The following SNX4 variants were observed in gnomAD, a reference collection of about 807,000 sequenced individuals.
SNX4 encodes the protein sorting nexin-4.
Under a neutral mutation model 70.8 loss-of-function variants are expected in SNX4, and 49 were observed. The ratio of observed to expected loss-of-function variants is 0.69; its 90% CI spans 0.55 to 0.88. SNX4 has a LOEUF of 0.88. SNX4 is among the 40% of genes least tolerant of loss of function. The pLI is 0.00. For synonymous variants in SNX4, 206 were observed against 183.8 expected (o/e 1.12, Z -0.98); for missense variants, 528 against 544.8 (o/e 0.97, Z 0.31).
intron 7 of SNX4, among the ~76,000 whole-genome samples, chr3:125,477,058 A>G (rs1039597070): frequency 3.3e-5 from 5 of 152,190 alleles, no homozygotes; most frequent in Non-Finnish European, 5.9e-5. Context: ...CACTATAAAT[A>G]GTTGCATAAA....
At chr3:125,465,544 C>T (rs753357817) in intron 9 of SNX4, among the ~76,000 whole-genome samples, 3 of 152,148 alleles carry the variant, frequency 2.0e-5, no homozygotes, top group Non-Finnish European at 4.4e-5. Context: ...ACACTGTGCC[C>T]GGCCTAGTAA....
chr3:125,516,073 G>A (rs540984568), intron 1 of SNX4, among the ~76,000 whole-genome samples: 68 of 152,238 alleles, frequency 4.5e-4, no homozygotes, highest in Admixed American at 9.2e-4. Flanking sequence ...AATGTGCACG[G>A]GAATTTTTAA....
At chr3:125,495,391 G>A (rs1005026484) in intron 5 of SNX4, among the ~76,000 whole-genome samples, 3 of 150,886 alleles carry the variant, frequency 2.0e-5, no homozygotes, top group African/African-American at 7.3e-5. Context: ...TGGGAGGAAG[G>A]ACTTAAAACA....
intron 1 of SNX4, among the ~76,000 whole-genome samples, chr3:125,507,191 G>GAAAAA (rs753584700): frequency 3.9e-4 from 35 of 90,590 alleles, no homozygotes; most frequent in African/African-American, 4.9e-4. Context: ...CTGGGTGATA[G>GAAAAA]AAAAAAAAAA....
At chr3:125,476,440 G>A (rs142812534) in intron 8 of SNX4, among the ~76,000 whole-genome samples, 3,513 of 151,258 alleles carry the variant, frequency 0.023, 142 homozygotes, top group African/African-American at 0.08. Context: ...GTGTGGTGGC[G>A]CATGCCTGTA....
Position 125,519,618 on chromosome 3 carries a change from C to A in SNX4, c.141+414G>T, listed in dbSNP as rs76226218. ...CACTGTGTCCCTTTAAGCTACTCCC[C>A]AGCAAAACCCCTTAGCAACTGGCTG... On this transcript the variant is annotated intron_variant, in intron 1 of 13. Transcript: ENST00000251775. Among the ~76,000 whole-genome samples, 384 of 152,262 alleles carry A rather than the reference C, an allele frequency of 2.5e-3. 3 individuals carry two copies. Among genetic ancestry groups the A allele is most frequent in the African/African-American group, 8.9e-3 (369 of 41,540 alleles).
chr3:125,452,943 T>G (rs796826607), intron 12 of SNX4, among the ~76,000 whole-genome samples: 10 of 152,226 alleles, frequency 6.6e-5, no homozygotes, highest in African/African-American at 2.4e-4. Context: ...ATCTATTACT[T>G]TGCCATATTT....
intron 10 of SNX4, 45 bp downstream of exon 10, chr3:125,460,726 G>A: frequency 1.1e-6 from 1 of 895,302 alleles, no homozygotes; most frequent in Non-Finnish European, 1.7e-6. Context: ...TGAGGAGAGT[G>A]GTGAACAACC....
chr3:125,491,207 A>C (rs1258514636), intron 5 of SNX4, among the ~76,000 whole-genome samples: 1 of 152,160 alleles, frequency 6.6e-6, no homozygotes. Context: ...CTTACATCTC[A>C]AGGAAAAATT....
chr3:125,510,184 C>T (rs1190691931), intron 1 of SNX4, among the ~76,000 whole-genome samples: 1 of 151,648 alleles, frequency 6.6e-6, no homozygotes, highest in Non-Finnish European at 1.5e-5. Context: ...CCATCATTCA[C>T]AATAGGTAAA....
chr3:125,498,366 T>C (rs575887756), intron 2 of SNX4, among the ~76,000 whole-genome samples, 172 bp from the exon 3 acceptor site: 14 of 152,182 alleles, frequency 9.2e-5, no homozygotes, highest in Non-Finnish European at 1.3e-4. Context: ...GTCGCTCAGG[T>C]TGGAGTGCAG....
At chr3:125,469,113 A>G (rs1284579376) in intron 9 of SNX4, among the ~76,000 whole-genome samples, 1 of 152,206 alleles carries the variant, frequency 6.6e-6, no homozygotes, top group Non-Finnish European at 1.5e-5. Context: ...TAAGTACAAT[A>G]TTGGCTATAA....
intron 13 of SNX4, among the ~76,000 whole-genome samples, chr3:125,448,174 C>A (rs1242325542): frequency 6.6e-6 from 1 of 151,690 alleles, no homozygotes; most frequent in African/African-American, 2.4e-5. Flanking sequence ...ACTCTGTTAC[C>A]CAGGCTGGAG....
intron 12 of SNX4, 26 bp from the exon 13 acceptor site, chr3:125,451,445 T>C (rs749833496): frequency 6.6e-7 from 1 of 1,519,756 alleles, no homozygotes; most frequent in Non-Finnish European, 9.1e-7. Flanking sequence ...TAGCCATTAT[T>C]ATTATTTAAG....
At chr3:125,496,069 C>G (rs1227433284) in intron 5 of SNX4, among the ~76,000 whole-genome samples, 2 of 152,106 alleles carry the variant, frequency 1.3e-5, no homozygotes, top group South Asian at 2.1e-4. Context: ...GAGAGAGAAT[C>G]GATTGAGCCC....
intron 6 of SNX4, among the ~76,000 whole-genome samples, chr3:125,487,413 G>C (rs573965953): frequency 6.6e-6 from 1 of 151,902 alleles, no homozygotes; most frequent in Admixed American, 6.6e-5. Flanking sequence ...AACCTGGCTG[G>C]GTCAGAAAAG....
Position 125,520,058 on chromosome 3 carries a change from C to A in SNX4, c.115G>T (p.Gly39Ter). The change falls in exon 1 of 14, where the codon GGA (glycine) becomes TGA (stop). Residue 39 changes from glycine (G) to a stop codon, truncating the protein, a stop_gained. Transcript: ENST00000251775. LOFTEE classifies it high-confidence loss of function. ...AAVGKEAEGA[G>*]EESSGVDTMT... The stretch of plus-strand genomic sequence containing the variant: ...GTGTCGACCCCAGAGCTCTCTTCTC[C>A]GGCCCCCTCCGCTTCCTTGCCGACC... 2 of 1,558,438 alleles carry A rather than the reference C, an allele frequency of 1.3e-6. No homozygotes were observed. Among genetic ancestry groups the A allele is most frequent in the Non-Finnish European group, 1.7e-6 (2 of 1,155,498 alleles).
chr3:125,451,493 A>G (rs1933572021), intron 12 of SNX4, 74 bp from the exon 13 acceptor site: 1 of 1,072,566 alleles, frequency 9.3e-7, no homozygotes, highest in African/African-American at 1.6e-5. Flanking sequence ...ACCAGTTCTC[A>G]TTGGCGTTGG....
In SNX4 at chr3:125,460,011, C is replaced by T. The variant is rs997439667; in HGVS notation, c.944+760G>A. Reference sequence around the variant, plus strand: ...AGTTTGAGACCAGCCTGGCCAACAACGGTGAAACCCTGTCTCTACTAAAAA... The same window carrying T: ...AGTTTGAGACCAGCCTGGCCAACAATGGTGAAACCCTGTCTCTACTAAAAA... On this transcript the variant is annotated intron_variant, in intron 10 of 13. Coordinates refer to ENST00000251775, the MANE Select transcript of SNX4 (RefSeq NM_003794.4). Among the ~76,000 whole-genome samples, 138 of 151,466 alleles carry T rather than the reference C, an allele frequency of 9.1e-4. 2 individuals are homozygous for T. The highest frequency in any genetic ancestry group is 1.7e-3 in the Non-Finnish European group (116 of 67,834).
Sources: gnomAD v4.1 joint callset for allele counts (sites outside exome capture counted in the v4.1 genomes callset) on GRCh38, gnomAD v4.1.1 for gene constraint, MANE v1.5 for transcripts, NCBI Gene and HGNC (gene_info 2026-07-23, HGNC 2026-07-21) for gene names.